KANK1: variants seen among roughly 807,000 people sequenced by gnomAD.
KANK1 encodes the protein KN motif and ankyrin repeat domains 1.
In KANK1, 109 loss-of-function variants were observed where a neutral mutation model predicts 106.2. The ratio of observed to expected loss-of-function variants is 1.03; its 90% confidence interval spans 0.88 to 1.20. KANK1 has a LOEUF of 1.20. KANK1 is among the 50% of genes most tolerant of loss of function. KANK1 has a pLI of 0.00. For missense variants in KANK1, 2,399 were observed against 1,710.7 expected, an observed-to-expected ratio of 1.40 and a Z score of -7.10; for synonymous variants, 873 against 652.2, an observed-to-expected ratio of 1.34 and a Z score of -5.16.
intron 1 of KANK1, among the ~76,000 whole-genome samples, chr9:560,122 C>G (rs1815999607): frequency 6.6e-6 from 1 of 152,170 alleles, no homozygotes; most frequent in African/African-American, 2.4e-5. Flanking sequence ...CCTGGGAAAG[C>G]AGTGTGGTTA....
chr9:690,133 CAAAAA>C (rs57837964), intron 2 of KANK1, among the ~76,000 whole-genome samples: 2 of 61,650 alleles, frequency 3.2e-5, no homozygotes, highest in South Asian at 8.1e-4. Context: ...TCTAAAAATA[CAAAAA>C]AAAAAAAAAA....
Position 612,251 on chromosome 9 carries a change from G to A in KANK1, c.-83-64639G>A, listed in dbSNP as rs187333625. Among the ~76,000 whole-genome samples, 87 of 152,266 alleles carry A rather than the reference G, an allele frequency of 5.7e-4. 2 individuals are homozygous for A. In the East Asian group the frequency reaches 0.015, roughly 26 times the overall value. On this transcript the variant is annotated intron_variant, in intron 1 of 11. Coordinates refer to ENST00000382297, the MANE Select transcript of KANK1 (RefSeq NM_015158.5). ...TGTTGTGGCTCTTGGGTAAGACTGA[G>A]AATGTGATTTTTGCAATCTGTGTTT... is the stretch of plus-strand genomic sequence containing the variant.
upstream of KANK1, among the ~76,000 whole-genome samples, chr9:499,973 T>C (rs2058522429): frequency 6.6e-6 from 1 of 152,236 alleles, no homozygotes; most frequent in Non-Finnish European, 1.5e-5. Context: ...CAAGTTTGTT[T>C]GTAATATTTC....
At chr9:659,872 G>A (rs560889288) in intron 1 of KANK1, 22 of 157,900 alleles carry the variant, frequency 1.4e-4, no homozygotes, top group African/African-American at 3.1e-4. Flanking sequence ...GTGTTTTAAC[G>A]TTAAGAATCT....
chr9:655,769 A>G (rs1269034600), intron 1 of KANK1, among the ~76,000 whole-genome samples: 1 of 152,228 alleles, frequency 6.6e-6, no homozygotes, highest in Non-Finnish European at 1.5e-5. Flanking sequence ...GAAACAATAA[A>G]TATTTTGCCA....
Position 711,963 on chromosome 9 carries a change from G to A in KANK1, c.1197G>A (p.Arg399=). ...AGCTCAGGGAGAATGGAGAGTGCCG[G>A]TCTGTGGCTGTGGGTGCCGAGGAGA... ...SSELRENGEC[R]SVAVGAEENM... Residue 399 remains arginine, a synonymous_variant, in exon 3 of 12, where the codon CGG becomes CGA. Transcript: ENST00000382297. 1 of 1,614,202 alleles carries A rather than the reference G, an allele frequency of 6.2e-7. No homozygotes were observed. Among genetic ancestry groups the A allele is most frequent in the Non-Finnish European group, 8.5e-7 (1 of 1,180,034 alleles).
At chr9:556,666 T>G (rs1337394938) in intron 1 of KANK1, among the ~76,000 whole-genome samples, 1 of 117,240 alleles carries the variant, frequency 8.5e-6, no homozygotes, top group African/African-American at 3.4e-5. Flanking sequence ...GTTACTCTCC[T>G]TACTCAAATT....
At chr9:742,063 C>T in intron 9 of KANK1, 142 bp from the exon 10 acceptor site, 4 of 713,904 alleles carry the variant, frequency 5.6e-6, no homozygotes, top group Non-Finnish European at 9.6e-6. Context: ...CTGCTTGCCA[C>T]CACCTGCCCC....
At chr9:646,371 A>C (rs932168289) in intron 1 of KANK1, among the ~76,000 whole-genome samples, 2 of 150,836 alleles carry the variant, frequency 1.3e-5, no homozygotes, top group South Asian at 4.1e-4. Context: ...ATAAGTAAAT[A>C]AATTGTAGTA....
At chr9:732,303 C>G (rs1468263895) in intron 5 of KANK1, 75 bp from the exon 6 acceptor site, 2 of 1,514,666 alleles carry the variant, frequency 1.3e-6, no homozygotes, top group East Asian at 2.3e-5. Flanking sequence ...ATTAGCAAAT[C>G]CCTTCATAGA....
chr9:549,943 G>A (rs1414105898), intron 1 of KANK1, among the ~76,000 whole-genome samples: 1 of 152,136 alleles, frequency 6.6e-6, no homozygotes, highest in Non-Finnish European at 1.5e-5. Flanking sequence ...TGAGGGGGCA[G>A]TGGTCAGAAA....
chr9:711,489 C>A lies in KANK1; in HGVS notation c.723C>A (p.His241Gln), dbSNP rs1309017389. 6.2e-7 allele frequency: 1 copy of A among 1,614,180 alleles called. No individual in the cohort carries two copies. The highest frequency in any genetic ancestry group is 1.7e-5 in the Admixed American group (1 of 60,028). The change falls in exon 3 of 12, where the codon CAC (histidine) becomes CAA (glutamine). Residue 241 changes from histidine to glutamine, a missense_variant. His to Gln is a conservative substitution (Grantham distance 24). Coordinates refer to ENST00000382297, the MANE Select transcript of KANK1 (RefSeq NM_015158.5). ...CCTCCATGGGGAGCTCCATCCGCCA[C>A]AGCCCCCTGAGCTCAGGGATCTCCA... ...TTSSMGSSIR[H>Q]SPLSSGISTP...
intron 1 of KANK1, among the ~76,000 whole-genome samples, chr9:558,436 A>G (rs577469327): frequency 1.1e-4 from 16 of 152,362 alleles, no homozygotes; most frequent in South Asian, 4.1e-4. Flanking sequence ...TCAGCTGTCA[A>G]CCGATCAATA....
At chr9:595,476 C>T (rs528778401) in intron 1 of KANK1, among the ~76,000 whole-genome samples, 14 of 151,916 alleles carry the variant, frequency 9.2e-5, no homozygotes, top group East Asian at 3.9e-4. Context: ...GAGCCTGCTG[C>T]GATATAGGGT....
At position 704,009 on chromosome 9, in the gene KANK1, C is replaced by T. The variant is rs940850703; in HGVS notation, c.38-6795C>T. On this transcript the variant is annotated intron_variant, in intron 2 of 11. Coordinates refer to ENST00000382297, the MANE Select transcript of KANK1 (RefSeq NM_015158.5). ...GATTACAGGCGTGAGCCACTGTGCC[C>T]GGCCAAAACTGTTGTTTTTATACTT... Among the ~76,000 whole-genome samples, 6 of 152,118 alleles carry T rather than the reference C, an allele frequency of 3.9e-5. 1 individual carries two copies. Among genetic ancestry groups the T allele is most frequent in the African/African-American group, 9.7e-5 (4 of 41,414 alleles).
chr9:545,693 G>A (rs1441649648), intron 1 of KANK1, among the ~76,000 whole-genome samples: 1 of 149,012 alleles, frequency 6.7e-6, no homozygotes, highest in Non-Finnish European at 1.5e-5. Context: ...GACAGCATAT[G>A]GAGATGCAGT....
chr9:661,743 T>G (rs71488146), intron 1 of KANK1, among the ~76,000 whole-genome samples: 1 of 151,712 alleles, frequency 6.6e-6, no homozygotes, highest in Admixed American at 6.6e-5. Flanking sequence ...TCCCACCAAC[T>G]GTGTAAAAGT....
At chr9:597,273 T>A (rs1826449874) in intron 1 of KANK1, among the ~76,000 whole-genome samples, 1 of 151,890 alleles carries the variant, frequency 6.6e-6, no homozygotes, top group Non-Finnish European at 1.5e-5. Flanking sequence ...GGCAAGTCTG[T>A]GTAACCTTTT....
At chr9:616,624 C>T (rs1831891999) in intron 1 of KANK1, among the ~76,000 whole-genome samples, 1 of 152,176 alleles carries the variant, frequency 6.6e-6, no homozygotes, top group African/African-American at 2.4e-5. Context: ...TTCTAAGCCA[C>T]TCATTATCAA....
Sources: gnomAD v4.1 joint callset for allele counts (sites outside exome capture counted in the v4.1 genomes callset) on GRCh38, gnomAD v4.1.1 for gene constraint, MANE v1.5 for transcripts, NCBI Gene and HGNC (gene_info 2026-07-23, HGNC 2026-07-21) for gene names.